Variants in USP9X observed in about 807,000 individuals in gnomAD.
USP9X encodes the protein ubiquitin carboxyl-terminal hydrolase 9X.
In USP9X, 7 loss-of-function variants were observed where a neutral mutation model predicts 190.3. That is an observed-to-expected ratio of 0.04 (90% CI 0.02 to 0.07). The LOEUF (loss-of-function observed/expected upper bound fraction) is 0.07. USP9X is among the 10% of genes least tolerant of loss of function. The pLI, the probability that USP9X is intolerant of heterozygous loss-of-function variation, is 1.00. For synonymous variants in USP9X, 645 were observed against 659.5 expected (o/e 0.98, Z 0.34); for missense variants, 1,010 against 1,916.9 (o/e 0.53, Z 8.83).
At position 41,140,726 on chromosome X, in the gene USP9X, T is replaced by G. The variant is rs374609627; in HGVS notation, c.725T>G (p.Ile242Ser). The G allele has an allele frequency of 9.9e-5, 119 of 1,204,055 alleles. No homozygotes were observed. Among genetic ancestry groups the G allele is most frequent in the Non-Finnish European group, 1.3e-4 (114 of 893,512 alleles). The change falls in exon 7 of 45, where the codon ATT (isoleucine) becomes AGT (serine). Residue 242 changes from isoleucine to serine, a missense_variant. By Grantham distance (142) the Ile-to-Ser change is moderately radical. Transcript: ENST00000378308. The stretch of plus-strand genomic sequence containing the variant: ...TTCCAGATTTTGCATGATCGTTTTA[T>G]TAATGGATCAGCATTAAACGTTCAA... Reference protein sequence around the residue: ...NGFQILHDRFINGSALNVQII... With the variant: ...NGFQILHDRFSNGSALNVQII...
At chrX:41,119,367 C>T (rs2062173880) in intron 1 of USP9X, among the ~76,000 whole-genome samples, 1 of 111,158 alleles carries the variant, frequency 9.0e-6, no homozygotes. Flanking sequence ...TACAACTTAC[C>T]TACTTTGTCT....
chrX:41,197,331 T>TGGGGCCCCCCCCCCCCCCC, intron 28 of USP9X, 33 bp from the exon 29 acceptor site: 2 of 486,765 alleles, frequency 4.1e-6, no homozygotes, highest in Non-Finnish European at 5.9e-6. Flanking sequence ...TTTGATTTCT[T>TGGGGCCCCCCCCCCCCCCC]CCCCCCCCCA....
chrX:41,139,403 G>A (rs1477479635), intron 6 of USP9X, among the ~76,000 whole-genome samples: 2 of 112,586 alleles, frequency 1.8e-5, no homozygotes, highest in Non-Finnish European at 3.8e-5. Context: ...GCTCACGCCT[G>A]TAATCCTAGC....
At chrX:41,178,118 A>G (rs1438761099) in intron 21 of USP9X, among the ~76,000 whole-genome samples, 2 of 46,281 alleles carry the variant, frequency 4.3e-5, no homozygotes, top group African/African-American at 2.0e-4. Flanking sequence ...TTTTTTTGAG[A>G]CGGAGATTTT....
At chrX:41,229,125 A>G in intron 41 of USP9X, 128 bp from the exon 42 acceptor site, 3 of 459,536 alleles carry the variant, frequency 6.5e-6, no homozygotes, top group Non-Finnish European at 1.0e-5. Flanking sequence ...AGGTTTAATA[A>G]TAGTACCTAT....
chrX:41,087,726 G>A (rs1168993097), intron 1 of USP9X, among the ~76,000 whole-genome samples: 1 of 112,004 alleles, frequency 8.9e-6, no homozygotes, highest in Non-Finnish European at 1.9e-5. Context: ...AAAATAGGAC[G>A]TTTGGACTAT....
chrX:41,109,266 C>A (rs2146954813), intron 1 of USP9X, among the ~76,000 whole-genome samples: 1 of 111,646 alleles, frequency 9.0e-6, no homozygotes, highest in South Asian at 3.7e-4. Flanking sequence ...ATTTACGGAG[C>A]CTTTGAGGGC....
rs1052396056 is a variant in USP9X, at chrX:41,236,429, AATTT to A, written c.*3911_*3914del. Reference sequence around the variant, plus strand: ...CATTTTAAAACTGCAAATGTGTGAAAATTTATTTAGAGATTCAGATTCCTAAAAG... The same window carrying A: ...CATTTTAAAACTGCAAATGTGTGAAAATTTAGAGATTCAGATTCCTAAAAG... On this transcript the variant is annotated 3_prime_UTR_variant, in exon 45 of 45. Transcript: ENST00000378308. The A allele has an allele frequency of 5.4e-5, 6 of 112,136 alleles. No homozygotes were observed. Among genetic ancestry groups the A allele is most frequent in the Non-Finnish European group, 1.1e-4 (6 of 53,123 alleles). The allele number at this position is 112,136 out of a possible 1,213,427, so 9.2% of individuals were successfully genotyped here. A position where few individuals can be genotyped will look rare whatever the true frequency, so the allele number is the denominator to read the frequency against.
chrX:41,230,523 C>A lies in USP9X; in HGVS notation c.7454C>A (p.Pro2485Gln), dbSNP rs2063351416. The part of the protein sequence containing the change: ...PEEEPDDQDA[P>Q]DEHESPPPED... ...TAGGAGCCAGATGACCAAGATGCTC[C>A]AGATGAACATGAGTCGCCTCCACCT... Residue 2485 changes from proline (P) to glutamine (Q), a missense_variant, in exon 44 of 45, where the codon CCA becomes CAA. Transcript: ENST00000378308. The A allele has an allele frequency of 4.1e-6, 5 of 1,210,684 alleles. No homozygotes were observed. The highest frequency in any genetic ancestry group is 5.6e-6 in the Non-Finnish European group (5 of 895,039).
intron 1 of USP9X, among the ~76,000 whole-genome samples, chrX:41,106,889 T>TTTC (rs1555915948): frequency 1.3e-5 from 1 of 75,923 alleles, no homozygotes; most frequent in Non-Finnish European, 2.5e-5. Flanking sequence ...TTTCTTTTCT[T>TTTC]TTTTTTTTTT....
chrX:41,168,111 A>G lies in USP9X; in HGVS notation c.2529A>G (p.Ala843=). 2.5e-6 allele frequency: 3 copies of G among 1,211,446 alleles called. No homozygotes were observed. The highest frequency in any genetic ancestry group is 1.7e-5 in the African/African-American group (1 of 57,858). The part of the protein sequence containing the change: ...LDGDKDSVNC[A]RQEAVRMVRV... ...GTGACAAAGACAGTGTTAATTGTGCAAGACAGGAAGCTGTTCGAATGGTTC... is the reference window on the plus strand; with the variant it reads ...GTGACAAAGACAGTGTTAATTGTGCGAGACAGGAAGCTGTTCGAATGGTTC... The change falls in exon 18 of 45, where the codon GCA becomes GCG. Residue 843 remains alanine (A), a synonymous_variant. Coordinates refer to ENST00000378308, the MANE Select transcript of USP9X (RefSeq NM_001039591.3).
chrX:41,205,119 G>A (rs935067640), intron 31 of USP9X, 184 bp from the exon 32 acceptor site: 4 of 380,791 alleles, frequency 1.1e-5, no homozygotes, highest in Non-Finnish European at 1.8e-5. Flanking sequence ...GGGTTATTTG[G>A]TTATGATAAC....
intron 33 of USP9X, among the ~76,000 whole-genome samples, chrX:41,212,481 AAAAAAT>A (rs1430220485): frequency 2.8e-5 from 3 of 108,463 alleles, no homozygotes; most frequent in South Asian, 3.9e-4. Context: ...AAAAAGCCTA[AAAAAAT>A]AAAAATAAAA....
At chrX:41,170,961 A>G (rs1014181485) in intron 20 of USP9X, among the ~76,000 whole-genome samples, 7 of 111,561 alleles carry the variant, frequency 6.3e-5, no homozygotes, top group African/African-American at 2.3e-4. Flanking sequence ...CATATACCCA[A>G]AATGCTGCAG....
chrX:41,087,998 T>C, intron 1 of USP9X, among the ~76,000 whole-genome samples: 1 of 111,570 alleles, frequency 9.0e-6, no homozygotes, highest in Non-Finnish European at 1.9e-5. Context: ...TCTCATGGTT[T>C]TGTTTGTTTG....
In USP9X at chrX:41,170,437, G is replaced by T. The variant is rs773108403; in HGVS notation, c.2878-33G>T. ...GTGTTTTGTGTAAGTATTTTTCCTT[G>T]TTTTTGATATTAACATAGTATATAA... On this transcript the variant is annotated intron_variant, in intron 19 of 44. Transcript: ENST00000378308. The T allele has an allele frequency of 2.5e-6, 3 of 1,190,258 alleles. No individual in the cohort carries two copies. The South Asian group carries it at 5.5e-5, about 22-fold the overall frequency.
chrX:41,133,076 A>T (rs1280077314), intron 4 of USP9X, among the ~76,000 whole-genome samples: 2 of 112,099 alleles, frequency 1.8e-5, no homozygotes, highest in African/African-American at 6.5e-5. Context: ...AGTAGGCACT[A>T]TCACAATTGA....
intron 32 of USP9X, among the ~76,000 whole-genome samples, chrX:41,209,244 G>T (rs987422119): frequency 1.8e-5 from 2 of 111,858 alleles, no homozygotes; most frequent in African/African-American, 6.5e-5. Context: ...TGATACTCAT[G>T]AAGGAATCAC....
In USP9X at chrX:41,143,401, A is replaced by G; in HGVS notation, c.1272A>G (p.Lys424=). 1 of 1,206,812 alleles carries G rather than the reference A, an allele frequency of 8.3e-7. No homozygotes were observed. The highest frequency in any genetic ancestry group is 1.1e-6 in the Non-Finnish European group (1 of 892,977). ...TTCTTCGTTTTGTCATCAAAGAAAA[A>G]GCTCTGACCTTACAGGATCTTGATA... ...EKILRFVIKE[K]ALTLQDLDNI... is the part of the protein sequence containing the mutation. The change falls in exon 10 of 45, where the codon AAA becomes AAG. Residue 424 remains lysine (K), a synonymous_variant. Coordinates refer to ENST00000378308, the MANE Select transcript of USP9X (RefSeq NM_001039591.3).
Sources: gnomAD v4.1 joint callset for allele counts (sites outside exome capture counted in the v4.1 genomes callset) on GRCh38, gnomAD v4.1.1 for gene constraint, MANE v1.5 for transcripts, NCBI Gene and HGNC (gene_info 2026-07-23, HGNC 2026-07-21) for gene names.